KCNK12: variants seen among roughly 807,000 people sequenced by gnomAD.
The protein encoded by KCNK12 is potassium channel subfamily K member 12.
KCNK12 carries 6 observed loss-of-function variants against 25.3 expected under a neutral mutation model. That is an observed-to-expected ratio of 0.24 (90% confidence interval 0.13 to 0.47). The LOEUF (loss-of-function observed/expected upper bound fraction) is 0.47. Among genes scored for constraint, KCNK12 ranks in the 20% least tolerant of loss-of-function variants. The pLI, the probability that KCNK12 is intolerant of heterozygous loss-of-function variation, is 0.99. For missense variants in KCNK12, 444 were observed against 661.7 expected, an observed-to-expected ratio of 0.67 and a Z score of 3.61; for synonymous variants, 331 against 311.1, an observed-to-expected ratio of 1.06 and a Z score of -0.67.
rs1052274853 is a variant in KCNK12 at position 47,525,735 on chromosome 2, C to T, written c.392-3927G>A. ...AGGCTGAGGGGCAGAGGGCTGGGGA[C>T]AGCATGAGAGGGAGTCACAGGAGGA... On this transcript the variant is annotated intron_variant, in intron 1 of 1. Transcript: ENST00000327876. This position sits in a 1 kb window ranked among gnomAD's most constrained non-coding sequence, Gnocchi z 4.1. Among the ~76,000 whole-genome samples the T allele has an allele frequency of 6.6e-6, 1 of 152,096 alleles. No homozygotes were observed. Among genetic ancestry groups the T allele is most frequent in the African/African-American group, 2.4e-5 (1 of 41,412 alleles).
At position 47,512,556 on chromosome 2, in the gene KCNK12, AAT is replaced by A; in HGVS notation, c.*8349_*8350del. On this transcript the variant is annotated 3_prime_UTR_variant, in exon 2 of 2. Coordinates refer to ENST00000327876, the MANE Select transcript of KCNK12 (RefSeq NM_022055.2). Reference sequence around the variant, plus strand: ...AAAAATGGACCAGAAAGGGGTCAGGAATATAACTTTCTCTGCCCAGATTCCAG... The same window carrying A: ...AAAAATGGACCAGAAAGGGGTCAGGAATAACTTTCTCTGCCCAGATTCCAG... 8.9e-7 allele frequency: 1 copy of A among 1,118,914 alleles called. No individual in the cohort carries two copies. The highest frequency in any genetic ancestry group is 1.2e-6 in the Non-Finnish European group (1 of 801,260). The allele number at this position is 1,118,914 out of a possible 1,614,324, so 69.3% of individuals were successfully genotyped here.
In KCNK12 at chr2:47,569,741, T is replaced by C. The variant is rs62140937; in HGVS notation, c.391+200A>G. Among the ~76,000 whole-genome samples the C allele has an allele frequency of 2.0e-5, 3 of 151,950 alleles. No individual in the cohort carries two copies. Among genetic ancestry groups the C allele is most frequent in the Non-Finnish European group, 1.5e-5 (1 of 67,960 alleles). ...CCCGGGGTGAGCGCCAGAGGTGGGC[T>C]TTCTTCCCTCACTGAAAGCCGGGAG... On this transcript the variant is annotated intron_variant, in intron 1 of 1. Transcript: ENST00000327876. The surrounding 1 kb of genome is among the most constrained non-coding windows in gnomAD (Gnocchi z 4.1).
Position 47,529,224 on chromosome 2 carries a change from A to G in KCNK12, c.392-7416T>C, listed in dbSNP as rs148958507. 3 of 152,354 alleles carry G rather than the reference A, an allele frequency of 2.0e-5. No homozygotes were observed. In the East Asian group the frequency reaches 5.8e-4, roughly 29 times the overall value. 9.4% of individuals were successfully genotyped at this position (152,354 alleles called of 1,614,324 possible). A position where few individuals can be genotyped will look rare whatever the true frequency, so the allele number is the denominator to read the frequency against. ...TAGTAATTACCCCAGGACAGCATGT[A>G]TAAACCAGGGCTGTTCCAAGCAACT... On this transcript the variant is annotated intron_variant, in intron 1 of 1. Coordinates refer to ENST00000327876, the MANE Select transcript of KCNK12 (RefSeq NM_022055.2). The surrounding 1 kb of genome is among the most constrained non-coding windows in gnomAD (Gnocchi z 4.3).
Position 47,520,934 on chromosome 2 carries a change from C to T in KCNK12, c.1266G>A (p.Arg422=), listed in dbSNP as rs568421394. Residue 422 remains arginine (R), a synonymous_variant, in exon 2 of 2, where the codon CGG becomes CGA. Transcript: ENST00000327876. The surrounding 1 kb of genome is among the most constrained non-coding windows in gnomAD (Gnocchi z 5.0). The part of the protein sequence containing the change: ...GVGALGIMNN[R]LAETSASR ...ACCTGGAGGCGCTGGTCTCGGCCAG[C>T]CGGTTGTTCATGATGCCCAGCGCGC... The T allele has an allele frequency of 1.6e-5, 21 of 1,276,364 alleles. No homozygotes were observed. Among genetic ancestry groups the T allele is most frequent in the Non-Finnish European group, 1.8e-5 (18 of 1,009,862 alleles). 79.1% of individuals were successfully genotyped at this position (1,276,364 alleles called of 1,614,324 possible).
Position 47,570,266 on chromosome 2 carries a change from GC to G in KCNK12, c.65del (p.Cys22SerfsTer109). The G allele has an allele frequency of 7.0e-7, 1 of 1,423,926 alleles. No individual in the cohort carries two copies. Among genetic ancestry groups the G allele is most frequent in the Non-Finnish European group, 9.2e-7 (1 of 1,089,840 alleles). The allele number at this position is 1,423,926 out of a possible 1,614,324, so 88.2% of individuals were successfully genotyped here. On this transcript the variant is annotated frameshift_variant, in exon 1 of 2. Transcript: ENST00000327876. LOFTEE classifies it high-confidence loss of function. Reference sequence around the variant, plus strand: ...GCGAACGGCGGCAGCAGCAGCAGCAGCAGGAGGGGCGCGGCAGGCGGCGGCG... The same window carrying G: ...GCGAACGGCGGCAGCAGCAGCAGCAGAGGAGGGGCGCGGCAGGCGGCGGCG... Reference protein sequence around the residue: ...RSRRRLPRPSCCCCCCRRSHL... With the variant: ...RSRRRLPRPSXCCCCCRRSHL...
intron 1 of KCNK12, among the ~76,000 whole-genome samples, chr2:47,544,380 C>G (rs1045908522): frequency 3.3e-5 from 5 of 152,236 alleles, no homozygotes; most frequent in South Asian, 2.1e-4. Flanking sequence ...ACCATATTAG[C>G]TCTGAATCAT....
Position 47,520,632 on chromosome 2 carries a change from G to C in KCNK12, c.*275C>G. 1 of 341,934 alleles carries C rather than the reference G, an allele frequency of 2.9e-6. No homozygotes were observed. The highest frequency in any genetic ancestry group is 4.4e-5 in the East Asian group (1 of 22,744). The allele number at this position is 341,934 out of a possible 1,614,324, so 21.2% of individuals were successfully genotyped here. A position where few individuals can be genotyped will look rare whatever the true frequency, so the allele number is the denominator to read the frequency against. On this transcript the variant is annotated 3_prime_UTR_variant, in exon 2 of 2. Coordinates refer to ENST00000327876, the MANE Select transcript of KCNK12 (RefSeq NM_022055.2). The surrounding 1 kb of genome is among the most constrained non-coding windows in gnomAD (Gnocchi z 5.0). ...ACCCTCCTCGCTGCGGTATGCCCTG[G>C]GTGTGGGCCTGGGGGGCCACGTTTT...
intron 1 of KCNK12, 45 bp from the exon 2 acceptor site, chr2:47,521,853 G>T: frequency 3.4e-6 from 5 of 1,462,960 alleles, no homozygotes; most frequent in Non-Finnish European, 4.5e-6. Context: ...CCGCGCAGGT[G>T]GTCCTCACTG....
intron 1 of KCNK12, among the ~76,000 whole-genome samples, chr2:47,522,743 G>A (rs1193097999): frequency 1.3e-5 from 2 of 152,170 alleles, no homozygotes; most frequent in African/African-American, 2.4e-5. Flanking sequence ...TGGGTAGTCC[G>A]TCACTTCCCT....
At position 47,515,591 on chromosome 2, in the gene KCNK12, C is replaced by G. The variant is rs1420128318; in HGVS notation, c.*5316G>C. 6.6e-6 allele frequency among the ~76,000 whole-genome samples: 1 copy of G among 152,132 alleles called. No homozygotes were observed. The highest frequency in any genetic ancestry group is 1.5e-5 in the Non-Finnish European group (1 of 68,028). Reference sequence around the variant, plus strand: ...TCCCTGCTGTAGATAAAAGATGGAGCTTGTGCTTCTGAGTGGTCATGCTCA... The same window carrying G: ...TCCCTGCTGTAGATAAAAGATGGAGGTTGTGCTTCTGAGTGGTCATGCTCA... On this transcript the variant is annotated 3_prime_UTR_variant, in exon 2 of 2. Coordinates refer to ENST00000327876, the MANE Select transcript of KCNK12 (RefSeq NM_022055.2).
chr2:47,523,530 AGGGTG>A (rs2104733413), intron 1 of KCNK12, among the ~76,000 whole-genome samples: 1 of 152,352 alleles, frequency 6.6e-6, no homozygotes, highest in East Asian at 1.9e-4. Flanking sequence ...ACAGGCTTTA[AGGGTG>A]TCTTTATCAA....
intron 1 of KCNK12, among the ~76,000 whole-genome samples, chr2:47,568,437 C>G (rs533065958): frequency 6.6e-6 from 1 of 151,952 alleles, no homozygotes; most frequent in Non-Finnish European, 1.5e-5. Context: ...GTATTTTTAT[C>G]CAATTTGTGT....
rs1668489358 is a variant in KCNK12 at position 47,515,098 on chromosome 2, G to A, written c.*5809C>T. On this transcript the variant is annotated 3_prime_UTR_variant, in exon 2 of 2. Transcript: ENST00000327876. The stretch of plus-strand genomic sequence containing the variant: ...TAGGCTACTTTATGCAGGTAAAACA[G>A]CCACCTGTGCCCATCACATAGCTGG... Among the ~76,000 whole-genome samples, 1 of 152,172 alleles carries A rather than the reference G, an allele frequency of 6.6e-6. No individual in the cohort carries two copies. Among genetic ancestry groups the A allele is most frequent in the Non-Finnish European group, 1.5e-5 (1 of 68,026 alleles).
Position 47,525,084 on chromosome 2 carries a change from C to G in KCNK12, c.392-3276G>C, listed in dbSNP as rs964595548. Among the ~76,000 whole-genome samples the G allele has an allele frequency of 1.3e-4, 20 of 152,242 alleles. No individual in the cohort carries two copies. Among genetic ancestry groups the G allele is most frequent in the African/African-American group, 4.8e-4 (20 of 41,470 alleles). On this transcript the variant is annotated intron_variant, in intron 1 of 1. Coordinates refer to ENST00000327876, the MANE Select transcript of KCNK12 (RefSeq NM_022055.2). The surrounding 1 kb of genome is among the most constrained non-coding windows in gnomAD (Gnocchi z 4.1). ...GGATTTTTCAGCTAAAGCCTCAAAG[C>G]TGAGAACAGTATGTGTACATTTCTC...
At position 47,559,069 on chromosome 2, in the gene KCNK12, C is replaced by T. The variant is rs536449721; in HGVS notation, c.391+10872G>A. ...GTGGGAAAACTAGGACCAGAAGCCCCCCTAGTTCAGAACTGAACTTTTCCT... is the reference window on the plus strand; with the variant it reads ...GTGGGAAAACTAGGACCAGAAGCCCTCCTAGTTCAGAACTGAACTTTTCCT... On this transcript the variant is annotated intron_variant, in intron 1 of 1. Coordinates refer to ENST00000327876, the MANE Select transcript of KCNK12 (RefSeq NM_022055.2). Among the ~76,000 whole-genome samples the T allele has an allele frequency of 3.5e-4, 54 of 152,330 alleles. 2 individuals carry two copies. The South Asian group carries it at 0.01, about 29-fold the overall frequency.
Position 47,529,815 on chromosome 2 carries a change from A to G in KCNK12, c.392-8007T>C, listed in dbSNP as rs925795815. Among the ~76,000 whole-genome samples, 16 of 152,210 alleles carry G rather than the reference A, an allele frequency of 1.1e-4. No individual in the cohort carries two copies. Among genetic ancestry groups the G allele is most frequent in the African/African-American group, 3.9e-4 (16 of 41,436 alleles). On this transcript the variant is annotated intron_variant, in intron 1 of 1. Coordinates refer to ENST00000327876, the MANE Select transcript of KCNK12 (RefSeq NM_022055.2). The surrounding 1 kb of genome is among the most constrained non-coding windows in gnomAD (Gnocchi z 4.3). ...TCATTAGGGTTGCCAGGTAAAATAC[A>G]GAACACCCAGTTAAATATGACTTGG...
At chr2:47,536,174 C>T (rs1669063450) in intron 1 of KCNK12, among the ~76,000 whole-genome samples, 1 of 152,208 alleles carries the variant, frequency 6.6e-6, no homozygotes, top group Admixed American at 6.5e-5. Context: ...CTGAGCTCCC[C>T]AGCCCCACCT....
intron 1 of KCNK12, among the ~76,000 whole-genome samples, chr2:47,530,989 G>C (rs1421943101): frequency 2.0e-5 from 3 of 152,168 alleles, no homozygotes; most frequent in African/African-American, 7.2e-5. Flanking sequence ...AAGAAGGAGA[G>C]GTAGGTTGCT....
chr2:47,545,844 A>T (rs1669301266), intron 1 of KCNK12, among the ~76,000 whole-genome samples: 1 of 152,218 alleles, frequency 6.6e-6, no homozygotes, highest in African/African-American at 2.4e-5. Context: ...TTCTAAAGAG[A>T]GTAGATAAGA....
Sources: allele counts gnomAD v4.1 joint callset (sites outside exome capture counted in the v4.1 genomes callset), GRCh38; gene constraint gnomAD v4.1.1; non-coding constraint Gnocchi (gnomAD v3.1); transcripts MANE v1.5; gene names NCBI Gene and HGNC (gene_info 2026-07-23, HGNC 2026-07-21).